PHAX: variants seen among roughly 807,000 people sequenced by gnomAD.
The protein encoded by PHAX is phosphorylated adaptor for RNA export.
Under a neutral mutation model 41.6 loss-of-function variants are expected in PHAX, and 31 were observed. The observed-to-expected ratio is 0.75, with a 90% CI of 0.56 to 1.01. The LOEUF (loss-of-function observed/expected upper bound fraction) is 1.01, where lower values mean the gene tolerates loss of function less well. Ranked by LOEUF, PHAX falls within the 50% of genes least tolerant of loss-of-function variation. PHAX has a pLI of 0.00. For missense variants in PHAX, 453 were observed against 472.9 expected (o/e 0.96, Z 0.39); for synonymous variants, 175 against 164.9 (o/e 1.06, Z -0.47).
intron 4 of PHAX, among the ~76,000 whole-genome samples, chr5:126,624,352 A>G (rs1752315351): frequency 6.6e-6 from 1 of 152,152 alleles, no homozygotes; most frequent in African/African-American, 2.4e-5. Flanking sequence ...ACATTAAGGT[A>G]GAATAAGCAT....
chr5:126,617,490 TA>T (rs1752204077), intron 4 of PHAX, among the ~76,000 whole-genome samples, 157 bp downstream of exon 4: 1 of 152,148 alleles, frequency 6.6e-6, no homozygotes, highest in Non-Finnish European at 1.5e-5. Context: ...TTTATTTATT[TA>T]TTTTTGAGGC....
chr5:126,617,595 C>A (rs757837367), intron 4 of PHAX, among the ~76,000 whole-genome samples: 14 of 152,170 alleles, frequency 9.2e-5, no homozygotes, highest in Non-Finnish European at 1.9e-4. Flanking sequence ...TCTCGTGCCT[C>A]AGCCTCCCAA....
In PHAX at chr5:126,624,649, G is replaced by A. The variant is rs1752318929; in HGVS notation, c.990G>A (p.Leu330=). 1.2e-6 allele frequency: 2 copies of A among 1,613,612 alleles called. No individual in the cohort carries two copies. Among genetic ancestry groups the A allele is most frequent in the Non-Finnish European group, 1.7e-6 (2 of 1,179,574 alleles). ...CTAGGAAGAGGAGAACACAAGTGTT[G>A]GGGAAAAAGATGAAACAAGCTATTA... ...KAARKRRTQV[L]GKKMKQAIKS... is the part of the protein sequence containing the mutation. The change falls in exon 5 of 5, where the codon TTG becomes TTA. Residue 330 remains leucine (L), a synonymous_variant. Transcript: ENST00000297540.
rs35158448 is a variant in PHAX at position 126,615,508 on chromosome 5, C to CTTTT, written c.832-1727_832-1724dup. ...AGTGCCATCTTTTTCACATTCTGTG[C>CTTTT]TTTTTTTTTTTTTTTTTTGCGCCCC... On this transcript the variant is annotated intron_variant, in intron 3 of 4. Transcript: ENST00000297540. 5.9e-4 allele frequency among the ~76,000 whole-genome samples: 66 copies of CTTTT among 111,504 alleles called. 1 individual carries two copies. Among genetic ancestry groups the CTTTT allele is most frequent in the African/African-American group, 2.0e-3 (61 of 30,932 alleles). 73.2% of individuals were successfully genotyped at this position (111,504 alleles called of 152,430 possible).
chr5:126,621,878 GCAA>G (rs1752278846), intron 4 of PHAX, among the ~76,000 whole-genome samples: 2 of 152,166 alleles, frequency 1.3e-5, no homozygotes, highest in African/African-American at 4.8e-5. Context: ...ACAACATGTT[GCAA>G]CAACATTTTG....
intron 3 of PHAX, among the ~76,000 whole-genome samples, chr5:126,616,787 G>A (rs1296852376): frequency 6.6e-6 from 1 of 151,582 alleles, no homozygotes; most frequent in African/African-American, 2.4e-5. Flanking sequence ...GGCTGAGGCA[G>A]GAGAAACGCT....
At chr5:126,610,780 C>A (rs1179920846) in intron 3 of PHAX, among the ~76,000 whole-genome samples, 1 of 152,132 alleles carries the variant, frequency 6.6e-6, no homozygotes, top group Admixed American at 6.5e-5. Context: ...GATCTCAGCT[C>A]ACTGTATCCT....
At chr5:126,601,249 G>C (rs1202032976) in intron 1 of PHAX, among the ~76,000 whole-genome samples, 191 bp downstream of exon 1, 1 of 152,044 alleles carries the variant, frequency 6.6e-6, no homozygotes, top group Non-Finnish European at 1.5e-5. Context: ...CGGAGCCCGG[G>C]CTGCGGGGGC....
intron 3 of PHAX, among the ~76,000 whole-genome samples, chr5:126,613,649 C>T (rs1417313321): frequency 6.6e-6 from 1 of 152,158 alleles, no homozygotes; most frequent in East Asian, 1.9e-4. Context: ...CACCTCACTT[C>T]AGCCTGGGTG....
chr5:126,624,008 G>GTTTTTTTTTT (rs543154844), intron 4 of PHAX, among the ~76,000 whole-genome samples: 3 of 130,218 alleles, frequency 2.3e-5, no homozygotes, highest in African/African-American at 8.6e-5. Flanking sequence ...TTGGTTTTGG[G>GTTTTTTTTTT]TTTTTTTTTT....
intron 4 of PHAX, among the ~76,000 whole-genome samples, chr5:126,624,288 C>G (rs903677167): frequency 6.6e-6 from 1 of 152,060 alleles, no homozygotes; most frequent in Non-Finnish European, 1.5e-5. Flanking sequence ...GGATTACAGG[C>G]ATGAGTCACC....
Position 126,614,696 on chromosome 5 carries a change from AGT to A in PHAX, c.832-2549_832-2548del, listed in dbSNP as rs527712354. Among the ~76,000 whole-genome samples the A allele has an allele frequency of 1.6e-3, 240 of 152,190 alleles. 1 individual carries two copies. Among genetic ancestry groups the A allele is most frequent in the Middle Eastern group, 6.8e-3 (2 of 294 alleles). Reference sequence around the variant, plus strand: ...TATCACAATAAAAAATCAGTAAAAGAGTGTGTAGTGAGAGGCTACCCGGACCA... The same window carrying A: ...TATCACAATAAAAAATCAGTAAAAGAGTGTAGTGAGAGGCTACCCGGACCA... On this transcript the variant is annotated intron_variant, in intron 3 of 4. Coordinates refer to ENST00000297540, the MANE Select transcript of PHAX (RefSeq NM_032177.4).
At position 126,603,951 on chromosome 5, in the gene PHAX, C is replaced by A. The variant is rs146866552; in HGVS notation, c.478C>A (p.Leu160Ile). The change falls in exon 2 of 5, where the codon CTT becomes ATT. Residue 160 changes from leucine to isoleucine, a missense_variant. By Grantham distance (5) the Leu-to-Ile change is conservative. Transcript: ENST00000297540. Reference sequence around the variant, plus strand: ...CTACAATTATTTGCTTGCCAAGAAACTTAGGAAGGAATCTCAAGAGCATAC... The same window carrying A: ...CTACAATTATTTGCTTGCCAAGAAAATTAGGAAGGAATCTCAAGAGCATAC... ...ETYNYLLAKK[L>I]RKESQEHTKD... 6.2e-6 allele frequency: 10 copies of A among 1,613,868 alleles called. No individual in the cohort carries two copies. The African/African-American group carries it at 1.3e-4, about 22-fold the overall frequency.
chr5:126,626,807 A>C lies in PHAX; in HGVS notation c.*1963A>C, dbSNP rs945159031. ...ATGCCTGTAATCTCAGCTATTTGGGAGGCCGAGGCAGGAGAATCACTTGAA... is the reference window on the plus strand; with the variant it reads ...ATGCCTGTAATCTCAGCTATTTGGGCGGCCGAGGCAGGAGAATCACTTGAA... On this transcript the variant is annotated 3_prime_UTR_variant, in exon 5 of 5. Transcript: ENST00000297540. 1 of 151,304 alleles carries C rather than the reference A, an allele frequency of 6.6e-6. No individual in the cohort carries two copies. Among genetic ancestry groups the C allele is most frequent in the African/African-American group, 2.4e-5 (1 of 41,032 alleles). The allele number at this position is 151,304 out of a possible 1,614,324, so 9.4% of individuals were successfully genotyped here.
chr5:126,618,381 CA>C (rs74471105), intron 4 of PHAX, among the ~76,000 whole-genome samples: 21 of 143,120 alleles, frequency 1.5e-4, no homozygotes, highest in Admixed American at 2.8e-4. Context: ...CATCCCCCAC[CA>C]AAAAAAAAAT....
intron 4 of PHAX, among the ~76,000 whole-genome samples, chr5:126,617,690 A>G (rs1433069945): frequency 1.3e-5 from 2 of 151,888 alleles, no homozygotes; most frequent in Admixed American, 1.3e-4. Context: ...TATTGGCCAG[A>G]CTGGTCTCAA....
intron 3 of PHAX, among the ~76,000 whole-genome samples, chr5:126,613,097 C>T (rs1470538453): frequency 6.6e-6 from 1 of 152,172 alleles, no homozygotes; most frequent in East Asian, 1.9e-4. Flanking sequence ...GCCTGTAATC[C>T]CAGCATTTTG....
chr5:126,603,534 T>C, intron 1 of PHAX, 36 bp from the exon 2 acceptor site: 1 of 1,563,728 alleles, frequency 6.4e-7, no homozygotes, highest in Non-Finnish European at 8.7e-7. Context: ...AGTTTATGTG[T>C]TTTGTGAAAT....
At chr5:126,601,172 C>T (rs1325241722) in intron 1 of PHAX, 114 bp downstream of exon 1, 1 of 725,832 alleles carries the variant, frequency 1.4e-6, no homozygotes, top group East Asian at 3.2e-5. Context: ...CGGGCCAGAG[C>T]GAGGAGCCCA....
Sources: gnomAD v4.1 joint callset for allele counts (sites outside exome capture counted in the v4.1 genomes callset) on GRCh38, gnomAD v4.1.1 for gene constraint, MANE v1.5 for transcripts, NCBI Gene and HGNC (gene_info 2026-07-23, HGNC 2026-07-21) for gene names.